Variants in ERBB4 observed in about 807,000 individuals in gnomAD.
ERBB4 encodes receptor tyrosine-protein kinase erbB-4.
A neutral mutation model predicts 158.0 loss-of-function variants in ERBB4; 42 were observed. The ratio of observed to expected loss-of-function variants is 0.27; its 90% CI spans 0.21 to 0.34. The LOEUF is 0.34. ERBB4 is among the 10% of genes least tolerant of loss of function. The pLI, the probability that ERBB4 is intolerant of heterozygous loss-of-function variation, is 1.00. For missense variants in ERBB4, 1,333 were observed against 1,624.1 expected (o/e 0.82, Z 3.08); for synonymous variants, 583 against 558.7 (o/e 1.04, Z -0.61).
chr2:211,918,262 T>C (rs2079755834), intron 3 of ERBB4, among the ~76,000 whole-genome samples: 1 of 152,206 alleles, frequency 6.6e-6, no homozygotes, highest in Admixed American at 6.5e-5. Context: ...ACTGAAAGTA[T>C]TACTTATTTC....
intron 1 of ERBB4, among the ~76,000 whole-genome samples, chr2:212,131,562 C>T (rs977002492): frequency 6.6e-6 from 1 of 152,158 alleles, no homozygotes; most frequent in Non-Finnish European, 1.5e-5. Context: ...TTGGGCTCCT[C>T]ATTCCTTTGA....
At chr2:211,857,401 C>T (rs1023690537) in intron 3 of ERBB4, among the ~76,000 whole-genome samples, 5 of 152,130 alleles carry the variant, frequency 3.3e-5, no homozygotes, top group African/African-American at 1.2e-4. Flanking sequence ...CTAAAAGTCC[C>T]TTCACCCTAA....
At chr2:212,104,670 C>T (rs911582096) in intron 2 of ERBB4, among the ~76,000 whole-genome samples, 1 of 152,104 alleles carries the variant, frequency 6.6e-6, no homozygotes, top group Non-Finnish European at 1.5e-5. Context: ...CATGCTTAGA[C>T]ACTGGAGCCC....
At chr2:212,472,498 G>C (rs1689164325) in intron 1 of ERBB4, among the ~76,000 whole-genome samples, 1 of 151,280 alleles carries the variant, frequency 6.6e-6, no homozygotes, top group African/African-American at 2.4e-5. Context: ...ATAATAAAAA[G>C]TTATTAAGCA....
chr2:212,384,333 A>T (rs1365677785), intron 1 of ERBB4, among the ~76,000 whole-genome samples: 1 of 151,642 alleles, frequency 6.6e-6, no homozygotes, highest in Non-Finnish European at 1.5e-5. Flanking sequence ...TGCTGGGATC[A>T]CTTCCAGCAT....
intron 19 of ERBB4, among the ~76,000 whole-genome samples, chr2:211,586,842 T>C (rs2068294296): frequency 6.6e-6 from 1 of 152,178 alleles, no homozygotes; most frequent in East Asian, 1.9e-4. Flanking sequence ...AGAAATATCA[T>C]TTCAAGACTC....
At chr2:211,843,781 C>G (rs1347796451) in intron 3 of ERBB4, among the ~76,000 whole-genome samples, 2 of 151,792 alleles carry the variant, frequency 1.3e-5, no homozygotes, top group Non-Finnish European at 2.9e-5. Flanking sequence ...CATAAATGAT[C>G]ATGTCTACTC....
intron 2 of ERBB4, among the ~76,000 whole-genome samples, chr2:212,063,233 C>T (rs1002488608): frequency 3.3e-5 from 5 of 151,604 alleles, no homozygotes; most frequent in African/African-American, 1.2e-4. Context: ...TGTGTTCCAC[C>T]AGAATAGAAA....
intron 16 of ERBB4, among the ~76,000 whole-genome samples, chr2:211,640,093 G>A (rs1197159742): frequency 6.6e-6 from 1 of 151,720 alleles, no homozygotes; most frequent in Non-Finnish European, 1.5e-5. Context: ...TGTATATAAA[G>A]CATTTTTGAT....
chr2:211,747,641 TC>T (rs1291063394), intron 5 of ERBB4, among the ~76,000 whole-genome samples: 1 of 152,134 alleles, frequency 6.6e-6, no homozygotes, highest in East Asian at 1.9e-4. Context: ...ATTAAAAGGT[TC>T]AGAATTTTTA....
intron 1 of ERBB4, among the ~76,000 whole-genome samples, chr2:212,257,087 T>C (rs927242909): frequency 2.0e-5 from 3 of 152,152 alleles, no homozygotes. Flanking sequence ...CCAGTGTTTA[T>C]TGTTCCCAAC....
At chr2:212,171,616 G>A (rs1275825565) in intron 1 of ERBB4, among the ~76,000 whole-genome samples, 6 of 152,020 alleles carry the variant, frequency 3.9e-5, no homozygotes, top group Non-Finnish European at 1.5e-5. Flanking sequence ...GGATCATGTA[G>A]GTGTCTTCCC....
At chr2:212,293,459 CA>C (rs1404924096) in intron 1 of ERBB4, among the ~76,000 whole-genome samples, 1 of 152,010 alleles carries the variant, frequency 6.6e-6, no homozygotes, top group Non-Finnish European at 1.5e-5. Context: ...CTGACACAGA[CA>C]ACAAACCTTA....
chr2:211,977,146 A>G (rs1030219732), intron 2 of ERBB4, among the ~76,000 whole-genome samples: 2 of 152,146 alleles, frequency 1.3e-5, no homozygotes, highest in Non-Finnish European at 2.9e-5. Flanking sequence ...TAATAAACTG[A>G]TAAGTGCCAG....
At chr2:212,011,858 C>A (rs1467281244) in intron 2 of ERBB4, among the ~76,000 whole-genome samples, 2 of 152,034 alleles carry the variant, frequency 1.3e-5, no homozygotes, top group South Asian at 2.1e-4. Context: ...TCATTTAAGG[C>A]CATTGCCTGG....
rs544292239 is a variant in ERBB4 at position 212,374,637 on chromosome 2, T to A, written c.82+163812A>T. On this transcript the variant is annotated intron_variant, in intron 1 of 27. Coordinates refer to ENST00000342788, the MANE Select transcript of ERBB4 (RefSeq NM_005235.3). The stretch of plus-strand genomic sequence containing the variant: ...TATAAACACACACACACACACATAT[T>A]TGTAAAGAGGAAGAACTAGAGTGCC... 4.6e-5 allele frequency among the ~76,000 whole-genome samples: 7 copies of A among 151,978 alleles called. No individual in the cohort carries two copies. The South Asian group carries it at 1.2e-3, about 27-fold the overall frequency.
At chr2:211,473,130 CA>C (rs1157891205) in intron 20 of ERBB4, among the ~76,000 whole-genome samples, 1 of 151,708 alleles carries the variant, frequency 6.6e-6, no homozygotes, top group Non-Finnish European at 1.5e-5. Flanking sequence ...GCTTTAAATA[CA>C]CAAGTATTCT....
chr2:212,459,646 A>G (rs1688473358), intron 1 of ERBB4, among the ~76,000 whole-genome samples: 1 of 152,138 alleles, frequency 6.6e-6, no homozygotes, highest in Non-Finnish European at 1.5e-5. Flanking sequence ...TATCTTGACC[A>G]AAAAAAGAAC....
rs1341531815 is a variant in ERBB4 at position 212,089,530 on chromosome 2, TC to T, written c.234+35221del. Among the ~76,000 whole-genome samples, 3 of 152,114 alleles carry T rather than the reference TC, an allele frequency of 2.0e-5. No individual in the cohort carries two copies. In the East Asian group the frequency reaches 5.8e-4, roughly 29 times the overall value. On this transcript the variant is annotated intron_variant, in intron 2 of 27. Transcript: ENST00000342788. ...TCATGCATGGTTTAGCACCATCTCT[TC>T]TTGGTACTGAATAGTGAGTGACTGC...
Sources: allele counts gnomAD v4.1 joint callset (sites outside exome capture counted in the v4.1 genomes callset), GRCh38; gene constraint gnomAD v4.1.1; transcripts MANE v1.5; gene names NCBI Gene and HGNC (gene_info 2026-07-23, HGNC 2026-07-21).